Variants in HELZ2 observed in about 807,000 individuals in gnomAD.
HELZ2 encodes helicase with zinc finger 2.
Under a neutral mutation model 208.8 loss-of-function variants are expected in HELZ2, and 143 were observed. That is an observed-to-expected ratio of 0.68 (90% confidence interval 0.60 to 0.79). The LOEUF is 0.79. HELZ2 is among the 30% of genes least tolerant of loss of function. The pLI, the probability that HELZ2 is intolerant of heterozygous loss-of-function variation, is 0.00. For missense variants in HELZ2, 3,690 were observed against 3,794.5 expected (o/e 0.97, Z 0.72); for synonymous variants, 1,705 against 1,693.7 (o/e 1.01, Z -0.16).
exon 5 of HELZ2, chr20:63,568,634 A>T (rs770708735): frequency 3.7e-6 from 6 of 1,603,436 alleles, no homozygotes; most frequent in Non-Finnish European, 4.2e-6. Context: ...CAGTGTGTCC[A>T]CTGCCTGGTG....
At chr20:63,564,698 A>T (rs1213671273) in exon 8 of HELZ2, 2 of 1,602,178 alleles carry the variant, frequency 1.2e-6, no homozygotes, top group South Asian at 2.2e-5. Flanking sequence ...GAAGCTGGCC[A>T]CATCAGTGAT....
intron 1 of HELZ2, chr20:63,571,662 C>T (rs1424748948): frequency 5.6e-5 from 2 of 35,666 alleles, no homozygotes; most frequent in South Asian, 1.5e-3. Context: ...ACAGTGGGCT[C>T]CTGCCCCGCT....
Position 63,561,664 on chromosome 20 carries a change from C to T in HELZ2, c.6773G>A (p.Arg2258His), listed in dbSNP as rs767730930. Residue 2258 changes from arginine to histidine, a missense_variant, in exon 12 of 19, where the codon CGT becomes CAT. Arg to His is a conservative substitution (Grantham distance 29). Transcript: ENST00000467148. ...CCTGAGCAGCTTCCTGCTGCCCACACGCGGCACTGGGAACTCGCTGGCCTC... is the reference window on the plus strand; with the variant it reads ...CCTGAGCAGCTTCCTGCTGCCCACATGCGGCACTGGGAACTCGCTGGCCTC... 51 of 1,612,410 alleles carry T rather than the reference C, an allele frequency of 3.2e-5. No homozygotes were observed. The highest frequency in any genetic ancestry group is 9.3e-5 in the African/African-American group (7 of 74,954).
chr20:63,572,484 G>A (rs1284567512), upstream of HELZ2: 10 of 1,301,164 alleles, frequency 7.7e-6, no homozygotes, highest in East Asian at 2.6e-5. Flanking sequence ...TGGCCGGCCC[G>A]GGGCCGCGGC....
intron 3 of HELZ2, chr20:63,570,138 T>TC: frequency 2.8e-6 from 1 of 351,680 alleles, no homozygotes; most frequent in African/African-American, 2.3e-5. Flanking sequence ...TTTTTTTTTT[T>TC]CAGTAGAGAC....
At chr20:63,564,319 C>T (rs3827023) in exon 8 of HELZ2, 345,947 of 1,593,158 alleles carry the variant, frequency 0.22, 43,647 homozygotes, top group East Asian at 0.6. Context: ...AGTCGGACCG[C>T]AGGCGGTGCC....
rs113502609 is a variant in HELZ2 at position 63,563,874 on chromosome 20, A to G, written c.4948T>C (p.Cys1650Arg). The G allele has an allele frequency of 7.8e-4, 1,242 of 1,597,404 alleles. 16 individuals carry two copies. In the African/African-American group the frequency reaches 0.015, roughly 19 times the overall value. The stretch of plus-strand genomic sequence containing the variant: ...CCCTGCTGCTGGTGGCCCCGGGCGC[A>G]GCGGCCGAACGCCGAGCGCTCCAGG... Residue 1650 changes from cysteine to arginine, a missense_variant, in exon 8 of 19, where the codon TGC becomes CGC. Around this residue, in one of 3 missense-constraint regions of HELZ2, gnomAD observed 2,564 missense variants for 2,580.5 expected, o/e 0.99. Transcript: ENST00000467148.
exon 4 of HELZ2, chr20:63,569,298 G>A: frequency 6.3e-7 from 1 of 1,575,060 alleles, no homozygotes; most frequent in Non-Finnish European, 8.6e-7. Flanking sequence ...GGCCATCAGG[G>A]CCGTCTGCTC....
downstream of HELZ2, chr20:63,558,726 C>CG (rs1468902038): frequency 2.0e-5 from 3 of 152,212 alleles, no homozygotes; most frequent in African/African-American, 4.8e-5. Context: ...TTAGTGGAGA[C>CG]GGGGTTTCAC....
downstream of HELZ2, chr20:63,559,171 G>A: frequency 7.0e-7 from 1 of 1,422,840 alleles, no homozygotes. Context: ...GCTGATGGCG[G>A]AGGGTGGTGG....
At chr20:63,564,007 C>T (rs2082919227) in exon 8 of HELZ2, 1 of 1,604,694 alleles carries the variant, frequency 6.2e-7, no homozygotes, top group Non-Finnish European at 8.5e-7. Context: ...CAAACTGGAC[C>T]TGCTTCCAGA....
intron 3 of HELZ2, chr20:63,570,007 G>A: frequency 2.2e-6 from 1 of 463,212 alleles, no homozygotes; most frequent in Non-Finnish European, 4.0e-6. Context: ...GGAGTGCAAT[G>A]GCGCGATCTC....
At chr20:63,559,257 T>C (rs770738562) in exon 19 of HELZ2, 3 of 1,568,118 alleles carry the variant, frequency 1.9e-6, no homozygotes, top group East Asian at 2.3e-5. Context: ...CAGGAAGGCA[T>C]AGTTGGCCTC....
intron 16 of HELZ2, 27 bp from the exon 18 acceptor site, chr20:63,560,354 C>T (rs780707746): frequency 1.0e-5 from 16 of 1,556,400 alleles, no homozygotes; most frequent in Admixed American, 5.5e-5. Flanking sequence ...GCAGGTGGAG[C>T]GGACCCTGGT....
At position 63,564,196 on chromosome 20, in the gene HELZ2, G is replaced by C. The variant is rs116461484; in HGVS notation, c.4626C>G (p.Gly1542=). 14 of 1,611,570 alleles carry C rather than the reference G, an allele frequency of 8.7e-6. No homozygotes were observed. In the African/African-American group the frequency reaches 1.6e-4, roughly 18 times the overall value. ...GCGTGACCGTCCGCGTGCACTCGCTGCCCACCAGGAACTCAGCCACGAGCC... is the reference window on the plus strand; with the variant it reads ...GCGTGACCGTCCGCGTGCACTCGCTCCCCACCAGGAACTCAGCCACGAGCC... The change falls in exon 8 of 19, where the codon GGC becomes GGG. Residue 1542 remains glycine (G), a synonymous_variant. Transcript: ENST00000467148.
chr20:63,566,140 G>A (rs371214570), exon 8 of HELZ2: 38 of 1,567,880 alleles, frequency 2.4e-5, no homozygotes, highest in South Asian at 1.2e-4. Flanking sequence ...GCACGCGGGC[G>A]TCGGTGAAGA....
At chr20:63,570,239 C>A in intron 3 of HELZ2, 1 of 592,986 alleles carries the variant, frequency 1.7e-6, no homozygotes, top group Non-Finnish European at 3.2e-6. Context: ...GGATTACAGG[C>A]GTGAACCACC....
downstream of HELZ2, chr20:63,558,297 G>A (rs1008065553): frequency 1.4e-5 from 2 of 143,586 alleles, no homozygotes; most frequent in Admixed American, 7.1e-5. Context: ...TGGAAGCATC[G>A]CCCCGGCACC....
chr20:63,572,201 G>C, exon 1 of HELZ2: 2 of 1,606,764 alleles, frequency 1.2e-6, no homozygotes, highest in Non-Finnish European at 1.7e-6. Flanking sequence ...TGCGTGCTCC[G>C]AGGATGCGCA....
Sources: gnomAD v4.1 joint callset for allele counts on GRCh38, gnomAD v4.1.1 for gene constraint, gnomAD v4.1.1 regional missense constraint, MANE v1.5 for transcripts, NCBI Gene and HGNC (gene_info 2026-07-23, HGNC 2026-07-21) for gene names.